The following RYR3 variants were observed in gnomAD, a reference collection of about 807,000 sequenced individuals.
RYR3 encodes brain ryanodine receptor-calcium release channel.
In RYR3, 207 loss-of-function variants were observed where a neutral mutation model predicts 584.3. The ratio of observed to expected loss-of-function variants is 0.35; its 90% CI spans 0.32 to 0.40. RYR3 has a LOEUF of 0.40. RYR3 is among the 10% of genes least tolerant of loss of function. The pLI is 1.00. For missense variants in RYR3, 5,616 were observed against 6,089.2 expected, an observed-to-expected ratio of 0.92 and a Z score of 2.59; for synonymous variants, 2,416 against 2,248.5, an observed-to-expected ratio of 1.07 and a Z score of -2.11.
chr15:33,631,133 A>G (rs2061243520), intron 22 of RYR3, 77 bp from the exon 23 acceptor site: 3 of 894,228 alleles, frequency 3.4e-6, no homozygotes, highest in South Asian at 3.3e-5. Context: ...TCTGTTTTCA[A>G]CTCGGATGTG....
intron 1 of RYR3, among the ~76,000 whole-genome samples, chr15:33,349,601 T>C (rs1202694102): frequency 3.3e-5 from 5 of 152,092 alleles, no homozygotes; most frequent in Non-Finnish European, 7.4e-5. Flanking sequence ...AGATTTTTTT[T>C]TTTTAATTAT....
chr15:33,660,468 G>A (rs1256172586), intron 34 of RYR3, 45 bp downstream of exon 34: 2 of 1,379,210 alleles, frequency 1.5e-6, no homozygotes, highest in Non-Finnish European at 2.0e-6. Flanking sequence ...TGAGGGGCAG[G>A]TGAGGCAGAG....
chr15:33,734,119 G>C (rs1446576227), intron 48 of RYR3, among the ~76,000 whole-genome samples: 2 of 152,182 alleles, frequency 1.3e-5, no homozygotes, highest in Non-Finnish European at 2.9e-5. Context: ...GTAAAGGCTG[G>C]TTGATGGGAA....
chr15:33,470,705 A>C (rs1170645294), intron 1 of RYR3, among the ~76,000 whole-genome samples: 2 of 152,228 alleles, frequency 1.3e-5, no homozygotes, highest in Non-Finnish European at 2.9e-5. Context: ...GGTGGAAATC[A>C]TTAGGTCCAA....
intron 19 of RYR3, among the ~76,000 whole-genome samples, chr15:33,623,245 C>A (rs1418471897): frequency 6.6e-6 from 1 of 152,208 alleles, no homozygotes; most frequent in Non-Finnish European, 1.5e-5. Context: ...AATGCGGTCT[C>A]CACAGTGTAA....
intron 1 of RYR3, among the ~76,000 whole-genome samples, chr15:33,336,444 G>A (rs796664996): frequency 0.26 from 2,934 of 11,104 alleles, 634 homozygotes; most frequent in African/African-American, 0.54. Context: ...GAAAGAAAGA[G>A]AGAGAGAGAG....
At chr15:33,359,901 G>A (rs567630798) in intron 1 of RYR3, among the ~76,000 whole-genome samples, 22 of 151,740 alleles carry the variant, frequency 1.4e-4, no homozygotes, top group African/African-American at 2.4e-4. Flanking sequence ...GATTATAGGC[G>A]TGAGCCACCG....
chr15:33,471,675 T>G lies in RYR3; in HGVS notation c.52-1744T>G, dbSNP rs1357532189. 3.9e-5 allele frequency among the ~76,000 whole-genome samples: 6 copies of G among 151,914 alleles called. No homozygotes were observed. The East Asian group carries it at 1.2e-3, about 29-fold the overall frequency. ...TTTTGTTGTTGTTGCTTTAGTTTTT[T>G]GGGGGGTTTTAAGTTTTGTTTCTTT... On this transcript the variant is annotated intron_variant, in intron 1 of 103. Transcript: ENST00000634891.
rs767123203 is a variant in RYR3 at position 33,785,852 on chromosome 15, G to T, written c.9459G>T (p.Leu3153=). 6.2e-7 allele frequency: 1 copy of T among 1,613,776 alleles called. No individual in the cohort carries two copies. The highest frequency in any genetic ancestry group is 1.1e-5 in the South Asian group (1 of 91,050). The change falls in exon 66 of 104, where the codon CTG becomes CTT. Residue 3153 remains leucine (L), a synonymous_variant. Transcript: ENST00000634891. ...GGTGGGAGCGGGGTCCTGAGAACCT[G>T]CCCCCCAGCACAGGGCCATGCTGCA... ...SYWWERGPEN[L]PPSTGPCCTK...
At position 33,405,708 on chromosome 15, in the gene RYR3, G is replaced by C. The variant is rs139369709; in HGVS notation, c.52-67711G>C. 2.6e-5 allele frequency among the ~76,000 whole-genome samples: 4 copies of C among 152,324 alleles called. No homozygotes were observed. The East Asian group carries it at 5.8e-4, about 22-fold the overall frequency. On this transcript the variant is annotated intron_variant, in intron 1 of 103. Transcript: ENST00000634891. Reference sequence around the variant, plus strand: ...CAAGTGTCAGAAACCCAACTCAAATGAGGTTGCAAAGAGGGAAACTTACTT... The same window carrying C: ...CAAGTGTCAGAAACCCAACTCAAATCAGGTTGCAAAGAGGGAAACTTACTT...
chr15:33,700,850 G>C, intron 41 of RYR3, 127 bp from the exon 42 acceptor site: 1 of 586,866 alleles, frequency 1.7e-6, no homozygotes, highest in East Asian at 2.9e-5. Flanking sequence ...ATTGGAGAAC[G>C]GTCATGTAAG....
chr15:33,844,801 G>T, intron 92 of RYR3, 61 bp from the exon 93 acceptor site: 1 of 1,396,224 alleles, frequency 7.2e-7, no homozygotes, highest in Non-Finnish European at 9.9e-7. Flanking sequence ...AATATGTGGG[G>T]AGAGCCCAAT....
At position 33,746,131 on chromosome 15, in the gene RYR3, AG is replaced by A; in HGVS notation, c.7965del (p.Arg2655SerfsTer6). On this transcript the variant is annotated frameshift_variant, in exon 53 of 104. Coordinates refer to ENST00000634891, the MANE Select transcript of RYR3 (RefSeq NM_001036.6). LOFTEE classifies it high-confidence loss of function. ...DENVKTHPLI[R>X]PFKTLTEKEK... ...AAATGTGAAGACCCACCCACTGATA[AG>A]GCCTTTCAAGACATTAACGGAGAAG... is the stretch of plus-strand genomic sequence containing the variant. 6.3e-7 allele frequency: 1 copy of A among 1,598,628 alleles called. No homozygotes were observed. Among genetic ancestry groups the A allele is most frequent in the Non-Finnish European group, 8.5e-7 (1 of 1,172,366 alleles).
intron 12 of RYR3, among the ~76,000 whole-genome samples, chr15:33,573,938 C>T (rs2058165919): frequency 6.6e-6 from 1 of 152,186 alleles, no homozygotes; most frequent in African/African-American, 2.4e-5. Context: ...CTGCCTTAGT[C>T]TAGTGGAGGA....
At chr15:33,630,098 A>G (rs937908260) in intron 22 of RYR3, 55 bp downstream of exon 22, 14 of 975,684 alleles carry the variant, frequency 1.4e-5, no homozygotes, top group African/African-American at 4.9e-5. Context: ...GATTTAATGC[A>G]TTATAACTAA....
intron 1 of RYR3, among the ~76,000 whole-genome samples, chr15:33,330,931 G>A (rs1051364733): frequency 5.3e-5 from 8 of 152,086 alleles, no homozygotes; most frequent in African/African-American, 1.7e-4. Context: ...TGCAAACTTG[G>A]TCTATTACTC....
intron 92 of RYR3, 81 bp from the exon 93 acceptor site, chr15:33,844,781 A>T (rs1457125203): frequency 8.0e-7 from 1 of 1,249,688 alleles, no homozygotes; most frequent in Non-Finnish European, 1.1e-6. Context: ...AGCACATGCT[A>T]ACAATATAAA....
intron 1 of RYR3, among the ~76,000 whole-genome samples, chr15:33,351,022 TAAAGAA>T (rs1168390569): frequency 6.6e-6 from 1 of 150,790 alleles, no homozygotes; most frequent in Non-Finnish European, 1.5e-5. Flanking sequence ...GCAAGACTAA[TAAAGAA>T]AAAAAGAGAG....
rs1268292076 is a variant in RYR3 at position 33,848,355 on chromosome 15, A to G, written c.13562A>G (p.Tyr4521Cys). The change falls in exon 94 of 104, where the codon TAT becomes TGT. Residue 4521 changes from tyrosine to cysteine, a missense_variant. Physicochemically the swap from Tyr to Cys is radical, Grantham distance 194 (BLOSUM62 -2). Coordinates refer to ENST00000634891, the MANE Select transcript of RYR3 (RefSeq NM_001036.6). Reference sequence around the variant, plus strand: ...AGGAAGCTGGAGTTTGATGGCCTATATATCACCGAACAGCCATCTGAAGAT... The same window carrying G: ...AGGAAGCTGGAGTTTGATGGCCTATGTATCACCGAACAGCCATCTGAAGAT... ...IARKLEFDGL[Y>C]ITEQPSEDDI... The G allele has an allele frequency of 3.7e-6, 6 of 1,613,680 alleles. No homozygotes were observed. Among genetic ancestry groups the G allele is most frequent in the South Asian group, 2.2e-5 (2 of 91,072 alleles).
Sources: gnomAD v4.1 joint callset for allele counts (sites outside exome capture counted in the v4.1 genomes callset) on GRCh38, gnomAD v4.1.1 for gene constraint, MANE v1.5 for transcripts, NCBI Gene and HGNC (gene_info 2026-07-23, HGNC 2026-07-21) for gene names.